Variants in DRICH1 observed in about 807,000 individuals in gnomAD.
The protein encoded by DRICH1 is aspartate rich 1.
A neutral mutation model predicts 39.5 loss-of-function variants in DRICH1; 38 were observed. The observed-to-expected ratio is 0.96, with a 90% CI of 0.74 to 1.26. The LOEUF (loss-of-function observed/expected upper bound fraction) is 1.26. Ranked by LOEUF, DRICH1 falls within the 50% of genes most tolerant of loss-of-function variation. The probability of loss-of-function intolerance (pLI) is 0.00; values close to 1 mark genes in which losing one functional copy is unlikely to be tolerated. For missense variants in DRICH1, 279 were observed against 270.4 expected (o/e 1.03, Z -0.22); for synonymous variants, 84 against 99.5 (o/e 0.84, Z 0.93).
the DRICH1 span, among the ~76,000 whole-genome samples, chr22:23,591,257 T>A: frequency 6.6e-6 from 1 of 151,996 alleles, no homozygotes; most frequent in Non-Finnish European, 1.5e-5. Context: ...GGGGTCCTCC[T>A]CCCCCAGTTC....
At chr22:23,607,626 C>T (rs1283727497), downstream of DRICH1, among the ~76,000 whole-genome samples, 1 of 152,102 alleles carries the variant, frequency 6.6e-6, no homozygotes, top group Non-Finnish European at 1.5e-5. Flanking sequence ...CCAAGTGTGG[C>T]CCCTGAACCA....
At chr22:23,622,794 G>A (rs1927834444) in intron 3 of DRICH1, among the ~76,000 whole-genome samples, 1 of 152,014 alleles carries the variant, frequency 6.6e-6, no homozygotes, top group Non-Finnish European at 1.5e-5. Context: ...TGTAATCAAG[G>A]GCTTCATCAG....
At chr22:23,582,999 AG>A in the DRICH1 span, 9 of 152,222 alleles carry the variant, frequency 5.9e-5, no homozygotes. Context: ...TGCAACTCAG[AG>A]GGTGTAAAAT....
chr22:23,591,258 C>G, the DRICH1 span, among the ~76,000 whole-genome samples: 1 of 152,136 alleles, frequency 6.6e-6, no homozygotes, highest in Non-Finnish European at 1.5e-5. Flanking sequence ...GGGTCCTCCT[C>G]CCCCAGTTCA....
At chr22:23,605,473 C>A (rs1926676220), downstream of DRICH1, among the ~76,000 whole-genome samples, 1 of 152,126 alleles carries the variant, frequency 6.6e-6, no homozygotes, top group Admixed American at 6.5e-5. Context: ...GGGGAGGTGG[C>A]CCCTGCCCAG....
At chr22:23,623,747 T>TAA in intron 3 of DRICH1, 1 of 164,892 alleles carries the variant, frequency 6.1e-6, no homozygotes, top group Non-Finnish European at 1.3e-5. Context: ...GATTGAAATC[T>TAA]ACAAAAAACA....
intron 11 of DRICH1, among the ~76,000 whole-genome samples, chr22:23,609,973 G>A (rs9624229): frequency 0.29 from 44,720 of 151,628 alleles, 6,866 homozygotes; most frequent in East Asian, 0.43. Context: ...CTCCCTCCCT[G>A]CCCCTCATGC....
chr22:23,625,050 A>G, intron 2 of DRICH1, 146 bp from the exon 3 acceptor site: 1 of 893,432 alleles, frequency 1.1e-6, no homozygotes, highest in Non-Finnish European at 1.7e-6. Context: ...ACTTTAGCAT[A>G]GAGGACATGA....
At chr22:23,620,336 A>G (rs1341137696) in intron 5 of DRICH1, among the ~76,000 whole-genome samples, 1 of 151,970 alleles carries the variant, frequency 6.6e-6, no homozygotes, top group Non-Finnish European at 1.5e-5. Flanking sequence ...TATAACCACC[A>G]ACATCAGGAT....
chr22:23,606,483 C>T (rs944639118), downstream of DRICH1, among the ~76,000 whole-genome samples: 4 of 152,160 alleles, frequency 2.6e-5, no homozygotes, highest in South Asian at 4.1e-4. Context: ...TCGGTTGGGG[C>T]GCAGCTCTTT....
At chr22:23,614,048 G>T in intron 9 of DRICH1, 87 bp downstream of exon 9, 1 of 921,294 alleles carries the variant, frequency 1.1e-6, no homozygotes, top group Non-Finnish European at 1.8e-6. Flanking sequence ...AATGTGCATT[G>T]CCAGATTTTC....
At chr22:23,625,073 G>A (rs1034885591) in intron 2 of DRICH1, among the ~76,000 whole-genome samples, 169 bp from the exon 3 acceptor site, 1 of 152,212 alleles carries the variant, frequency 6.6e-6, no homozygotes, top group African/African-American at 2.4e-5. Context: ...GAAAAGACAA[G>A]AGCTTTTCCC....
chr22:23,586,294 GC>G, the DRICH1 span, among the ~76,000 whole-genome samples: 1 of 152,166 alleles, frequency 6.6e-6, no homozygotes, highest in African/African-American at 2.4e-5. Flanking sequence ...TTTGAAACCA[GC>G]CTGGGGAACA....
chr22:23,622,571 T>C (rs922600505), intron 3 of DRICH1, among the ~76,000 whole-genome samples: 3 of 150,960 alleles, frequency 2.0e-5, no homozygotes, highest in African/African-American at 4.9e-5. Context: ...ACATTTAGCA[T>C]CTGTTTTAAA....
the DRICH1 span, among the ~76,000 whole-genome samples, chr22:23,593,678 A>G: frequency 5.3e-5 from 7 of 131,002 alleles, no homozygotes; most frequent in East Asian, 2.2e-4. Context: ...GCGCGCCTGT[A>G]GTCCCAGCCA....
At chr22:23,584,857 T>C in the DRICH1 span, among the ~76,000 whole-genome samples, 3 of 152,136 alleles carry the variant, frequency 2.0e-5, no homozygotes, top group Non-Finnish European at 2.9e-5. Context: ...AATGTAATGG[T>C]GCAATCATAG....
At chr22:23,614,938 T>C (rs1323145322) in intron 8 of DRICH1, among the ~76,000 whole-genome samples, 1 of 152,214 alleles carries the variant, frequency 6.6e-6, no homozygotes. Flanking sequence ...CTCTGAACAC[T>C]TTCTGCCATG....
chr22:23,613,631 G>A lies in DRICH1; in HGVS notation c.643+8C>T. ...CCCTCAGGAAGTGAGTTATCTCATG[G>A]TACATACCACTTTCTATCCGAGCTG... is the stretch of plus-strand genomic sequence containing the variant. On this transcript the variant is annotated splice_region_variant and intron_variant, in intron 10 of 11. Transcript: ENST00000317749. The A allele has an allele frequency of 1.2e-6, 2 of 1,600,952 alleles. No individual in the cohort carries two copies. The highest frequency in any genetic ancestry group is 8.6e-7 in the Non-Finnish European group (1 of 1,168,564).
At chr22:23,594,690 C>T in the DRICH1 span, among the ~76,000 whole-genome samples, 1 of 81,972 alleles carries the variant, frequency 1.2e-5, no homozygotes, top group African/African-American at 6.0e-5. Flanking sequence ...AACAACTCTT[C>T]AGGATCCCTA....
Sources: allele counts gnomAD v4.1 joint callset (sites outside exome capture counted in the v4.1 genomes callset), GRCh38; gene constraint gnomAD v4.1.1; transcripts MANE v1.5; gene names NCBI Gene and HGNC (gene_info 2026-07-23, HGNC 2026-07-21).